The following RBM6 variants were observed in gnomAD, a reference collection of about 807,000 sequenced individuals.
The protein encoded by RBM6 is RNA binding motif protein 6.
Under a neutral mutation model 140.4 loss-of-function variants are expected in RBM6, and 23 were observed. That is an observed-to-expected ratio of 0.16 (90% CI 0.12 to 0.23). The LOEUF is 0.23. Ranked by LOEUF, RBM6 falls within the 10% of genes least tolerant of loss-of-function variation. The pLI, the probability that RBM6 is intolerant of heterozygous loss-of-function variation, is 1.00. For missense variants in RBM6, 1,139 were observed against 1,386.7 expected, an observed-to-expected ratio of 0.82 and a Z score of 2.84; for synonymous variants, 439 against 475.6, an observed-to-expected ratio of 0.92 and a Z score of 1.00.
chr3:49,973,256 G>A (rs1015898575), intron 4 of RBM6, among the ~76,000 whole-genome samples: 4 of 152,114 alleles, frequency 2.6e-5, no homozygotes, highest in African/African-American at 9.7e-5. Flanking sequence ...AGCCTCCTGA[G>A]TAGCTGGGAC....
At chr3:49,947,654 C>A (rs1316624446) in intron 1 of RBM6, among the ~76,000 whole-genome samples, 1 of 151,962 alleles carries the variant, frequency 6.6e-6, no homozygotes, top group East Asian at 1.9e-4. Context: ...GCAAATATTA[C>A]CAATCGAAAG....
chr3:49,967,487 G>C lies in RBM6; in HGVS notation c.62G>C (p.Arg21Thr). 1.9e-6 allele frequency: 3 copies of C among 1,613,474 alleles called. No homozygotes were observed. The highest frequency in any genetic ancestry group is 2.5e-6 in the Non-Finnish European group (3 of 1,179,554). Reference sequence around the variant, plus strand: ...TTCTACAGTGGGAGCCAAGAAGAAAGGTTTGCTCCCGGGTGGAACAGGGAT... The same window carrying C: ...TTCTACAGTGGGAGCCAAGAAGAAACGTTTGCTCCCGGGTGGAACAGGGAT... ...TGPFRGSQEERFAPGWNRDYP... is the reference protein window; with the variant it reads ...TGPFRGSQEETFAPGWNRDYP... The change falls in exon 3 of 21, where the codon AGG becomes ACG. Residue 21 changes from arginine to threonine, a missense_variant. Arg to Thr is a moderately conservative substitution (Grantham distance 71). Transcript: ENST00000266022. This position sits in a 1 kb window ranked among gnomAD's most constrained non-coding sequence, Gnocchi z 4.0.
At chr3:50,036,336 A>C (rs564868697) in intron 6 of RBM6, among the ~76,000 whole-genome samples, 19 of 152,348 alleles carry the variant, frequency 1.2e-4, no homozygotes, top group Admixed American at 9.2e-4. Context: ...TTGCCAAGGC[A>C]TACAGGTCTG....
intron 6 of RBM6, among the ~76,000 whole-genome samples, chr3:50,047,535 A>G (rs1575803790): frequency 6.6e-6 from 1 of 152,164 alleles, no homozygotes; most frequent in Non-Finnish European, 1.5e-5. Context: ...TTCCTGTGCC[A>G]GACTTTCCCA....
chr3:49,995,183 G>T (rs1393375855), intron 5 of RBM6, among the ~76,000 whole-genome samples: 2 of 152,102 alleles, frequency 1.3e-5, no homozygotes, highest in Non-Finnish European at 2.9e-5. Context: ...CAACCACATG[G>T]TTAATGAAGA....
intron 19 of RBM6, among the ~76,000 whole-genome samples, chr3:50,071,980 A>T (rs2090314090): frequency 1.4e-5 from 2 of 146,540 alleles, no homozygotes; most frequent in Non-Finnish European, 3.0e-5. Context: ...GCTACTCAGG[A>T]GGCTGGGGCA....
rs936237861 is a variant in RBM6 at position 50,075,031 on chromosome 3, C to T, written c.3117-170C>T. 1.1e-5 allele frequency: 8 copies of T among 714,440 alleles called. No homozygotes were observed. The Admixed American group carries it at 1.6e-4, about 14-fold the overall frequency. The allele number at this position is 714,440 out of a possible 1,614,324, so 44.3% of individuals were successfully genotyped here. The stretch of plus-strand genomic sequence containing the variant: ...ATTAGCCAGGTGTGGTGGCGGGCAC[C>T]TGCAATCCCAGCTAATCGGGAGGCT... On this transcript the variant is annotated intron_variant, in intron 19 of 20. Transcript: ENST00000266022.
At chr3:50,076,902 T>G in intron 20 of RBM6, 106 bp from the exon 21 acceptor site, 1 of 1,085,206 alleles carries the variant, frequency 9.2e-7, no homozygotes, top group Non-Finnish European at 1.2e-6. Flanking sequence ...AAAAAAATTA[T>G]CCTATATACT....
In RBM6 at chr3:49,956,623, C is replaced by T. The variant is rs538608037; in HGVS notation, c.-66-5953C>T. On this transcript the variant is annotated intron_variant, in intron 1 of 20. Transcript: ENST00000266022. ...CTGGGATTATAGGCGTAAGCCATCACGCCTGGCCCACGCTTTATTTTTTTA... is the reference window on the plus strand; with the variant it reads ...CTGGGATTATAGGCGTAAGCCATCATGCCTGGCCCACGCTTTATTTTTTTA... Among the ~76,000 whole-genome samples the T allele has an allele frequency of 3.4e-5, 5 of 145,092 alleles. No homozygotes were observed. In the South Asian group the frequency reaches 8.7e-4, roughly 25 times the overall value.
chr3:49,970,033 C>T (rs930716201), intron 3 of RBM6, among the ~76,000 whole-genome samples: 8 of 152,060 alleles, frequency 5.3e-5, no homozygotes, highest in East Asian at 1.9e-4. Context: ...CTCCGCCTCC[C>T]GTGTTCAAGC....
intron 1 of RBM6, among the ~76,000 whole-genome samples, chr3:49,952,928 G>A (rs1002289509): frequency 3.3e-5 from 5 of 152,148 alleles, no homozygotes; most frequent in African/African-American, 1.2e-4. Context: ...CCAAAAAATT[G>A]TAGAGATGGG....
chr3:49,983,104 C>T (rs1475274064), intron 5 of RBM6, among the ~76,000 whole-genome samples: 5 of 152,196 alleles, frequency 3.3e-5, no homozygotes, highest in African/African-American at 9.7e-5. Context: ...CTTGGACTCC[C>T]AAAATGCTGA....
intron 6 of RBM6, among the ~76,000 whole-genome samples, chr3:50,003,420 T>A: frequency 6.6e-6 from 1 of 152,050 alleles, no homozygotes; most frequent in East Asian, 1.9e-4. Context: ...CAACTCTTAG[T>A]AGAGCCTGAG....
chr3:50,050,699 G>C (rs1178191679), intron 7 of RBM6, among the ~76,000 whole-genome samples: 1 of 152,018 alleles, frequency 6.6e-6, no homozygotes, highest in Non-Finnish European at 1.5e-5. Context: ...AATATGTAAG[G>C]GCTTCATTTC....
rs969100019 is a variant in RBM6 at position 49,958,705 on chromosome 3, C to T, written c.-66-3871C>T. ...GGTGGAGCTTGCAGTGAGCCGAGAT[C>T]GCTCAACTGCATTCCAGCCTTGGCA... On this transcript the variant is annotated intron_variant, in intron 1 of 20. Transcript: ENST00000266022. Among the ~76,000 whole-genome samples the T allele has an allele frequency of 7.9e-5, 12 of 151,000 alleles. No individual in the cohort carries two copies. In the East Asian group the frequency reaches 9.7e-4, roughly 12 times the overall value.
intron 9 of RBM6, 32 bp downstream of exon 9, chr3:50,058,035 G>T (rs1268986537): frequency 5.6e-6 from 9 of 1,602,836 alleles, no homozygotes; most frequent in Non-Finnish European, 7.7e-6. Flanking sequence ...ATACCAGACT[G>T]TGATCATCAC....
chr3:49,957,787 A>G (rs1389281230), intron 1 of RBM6, among the ~76,000 whole-genome samples: 2 of 151,450 alleles, frequency 1.3e-5, no homozygotes, highest in East Asian at 1.9e-4. Flanking sequence ...CAATAATGCT[A>G]GTTTTTACAG....
intron 1 of RBM6, among the ~76,000 whole-genome samples, chr3:49,944,077 A>G (rs1264974512): frequency 1.3e-5 from 2 of 152,056 alleles, no homozygotes; most frequent in Non-Finnish European, 2.9e-5. Context: ...CTTTTTGTGC[A>G]ACCATAATAA....
chr3:49,991,847 G>A (rs1480371679), intron 5 of RBM6, among the ~76,000 whole-genome samples: 2 of 152,118 alleles, frequency 1.3e-5, no homozygotes, highest in Admixed American at 1.3e-4. Flanking sequence ...GAATATCTGG[G>A]CCACTATGTT....
Sources: allele counts gnomAD v4.1 joint callset (sites outside exome capture counted in the v4.1 genomes callset), GRCh38; gene constraint gnomAD v4.1.1; non-coding constraint Gnocchi (gnomAD v3.1); transcripts MANE v1.5; gene names NCBI Gene and HGNC (gene_info 2026-07-23, HGNC 2026-07-21).